SRFBP1: variants seen among roughly 807,000 people sequenced by gnomAD.
The protein encoded by SRFBP1 is serum response factor-binding protein 1.
A neutral mutation model predicts 45.5 loss-of-function variants in SRFBP1; 47 were observed. That is an observed-to-expected ratio of 1.03 (90% CI 0.82 to 1.32). The LOEUF is 1.32. Ranked by LOEUF, SRFBP1 falls within the 40% of genes most tolerant of loss-of-function variation. The pLI is 0.00. For synonymous variants in SRFBP1, 203 were observed against 166.3 expected, an observed-to-expected ratio of 1.22 and a Z score of -1.70; for missense variants, 621 against 484.6, an observed-to-expected ratio of 1.28 and a Z score of -2.64.
At chr5:122,039,814 A>G (rs1292616251) in intron 2 of SRFBP1, among the ~76,000 whole-genome samples, 2 of 152,054 alleles carry the variant, frequency 1.3e-5, no homozygotes, top group Admixed American at 6.5e-5. Flanking sequence ...CCTTACACAT[A>G]TATGATATAT....
Position 122,027,801 on chromosome 5 carries a change from A to G in SRFBP1, c.*675A>G, listed in dbSNP as rs1327800824. On this transcript the variant is annotated 3_prime_UTR_variant, in exon 8 of 8. Transcript: ENST00000339397. ...ATCATGTACTTTTTGATTCTAAAATAGTTGTCTAGGACAATTTTGGGATTC... is the reference window on the plus strand; with the variant it reads ...ATCATGTACTTTTTGATTCTAAAATGGTTGTCTAGGACAATTTTGGGATTC... 1 of 152,178 alleles carries G rather than the reference A, an allele frequency of 6.6e-6. No homozygotes were observed. Among genetic ancestry groups the G allele is most frequent in the Non-Finnish European group, 1.5e-5 (1 of 68,018 alleles). 9.4% of individuals were successfully genotyped at this position (152,178 alleles called of 1,614,324 possible). A position where few individuals can be genotyped will look rare whatever the true frequency, so the allele number is the denominator to read the frequency against.
At chr5:121,988,978 A>G (rs894501101) in intron 3 of SRFBP1, among the ~76,000 whole-genome samples, 1 of 152,182 alleles carries the variant, frequency 6.6e-6, no homozygotes, top group African/African-American at 2.4e-5. Context: ...TATTTAGAGT[A>G]TTTGCAGTTA....
chr5:122,036,178 AT>A (rs1387786941), intron 2 of SRFBP1, among the ~76,000 whole-genome samples: 1 of 152,028 alleles, frequency 6.6e-6, no homozygotes, highest in Non-Finnish European at 1.5e-5. Flanking sequence ...TGATAAGAGC[AT>A]TTTTGTATGC....
chr5:122,078,240 C>G, downstream of SRFBP1: 1 of 404,864 alleles, frequency 2.5e-6, no homozygotes, highest in Non-Finnish European at 4.3e-6. Flanking sequence ...CGCGGCAGTC[C>G]CGGAGAGCGG....
intron 2 of SRFBP1, chr5:122,066,218 C>G (rs1439181912): frequency 6.6e-6 from 1 of 152,190 alleles, no homozygotes; most frequent in East Asian, 1.9e-4. Flanking sequence ...AGTAATATTT[C>G]TTGACACCAA....
At chr5:121,973,968 T>A (rs1022120080) in intron 1 of SRFBP1, among the ~76,000 whole-genome samples, 8 of 151,864 alleles carry the variant, frequency 5.3e-5, no homozygotes, top group Admixed American at 4.6e-4. Flanking sequence ...TGTGACTTTT[T>A]AAAAAATTAT....
downstream of SRFBP1, chr5:122,077,742 C>G: frequency 2.5e-6 from 4 of 1,568,890 alleles, no homozygotes; most frequent in Non-Finnish European, 3.4e-6. The surrounding 1 kb of genome is among the most constrained non-coding windows in gnomAD (Gnocchi z 4.9). Context: ...TGGGCGGAGG[C>G]GTTGGCTGCA....
At chr5:121,962,117 A>T in intron 1 of SRFBP1, 49 bp downstream of exon 1, 1 of 1,608,870 alleles carries the variant, frequency 6.2e-7, no homozygotes, top group Non-Finnish European at 8.5e-7. Context: ...CCTCAAAACC[A>T]GCTCTTTTGA....
intron 2 of SRFBP1, among the ~76,000 whole-genome samples, chr5:121,974,659 A>G (rs1752265886): frequency 6.6e-6 from 1 of 151,950 alleles, no homozygotes; most frequent in South Asian, 2.1e-4. Flanking sequence ...ATTTTATATC[A>G]CATTTTTTCT....
chr5:122,046,864 C>T (rs1038571597), intron 2 of SRFBP1, among the ~76,000 whole-genome samples: 6 of 152,184 alleles, frequency 3.9e-5, no homozygotes, highest in Non-Finnish European at 8.8e-5. Context: ...ACTGTCTGTT[C>T]ATTCCTTTGC....
chr5:122,033,481 C>CT (rs575972641), downstream of SRFBP1, among the ~76,000 whole-genome samples: 3,404 of 146,432 alleles, frequency 0.023, 93 homozygotes, highest in Middle Eastern at 0.066. Flanking sequence ...TGTGCTTCTG[C>CT]TTTTTTTTTT....
intron 3 of SRFBP1, among the ~76,000 whole-genome samples, chr5:121,993,103 A>G (rs1033445255): frequency 9.9e-5 from 15 of 152,140 alleles, no homozygotes; most frequent in African/African-American, 3.4e-4. Flanking sequence ...TTCTTTAAAT[A>G]TACCCAACCT....
chr5:121,982,700 A>G (rs908600780), intron 3 of SRFBP1, among the ~76,000 whole-genome samples: 1 of 151,864 alleles, frequency 6.6e-6, no homozygotes, highest in Non-Finnish European at 1.5e-5. Flanking sequence ...TAAGTTTTAA[A>G]TAAGGAACTG....
At chr5:121,992,416 T>C (rs963527782) in intron 3 of SRFBP1, among the ~76,000 whole-genome samples, 2 of 152,024 alleles carry the variant, frequency 1.3e-5, no homozygotes, top group Non-Finnish European at 2.9e-5. Context: ...TTGTTTTTTT[T>C]CTCTGCATCT....
intron 4 of SRFBP1, among the ~76,000 whole-genome samples, chr5:122,009,464 T>TA (rs1465712597): frequency 6.6e-6 from 1 of 152,242 alleles, no homozygotes; most frequent in African/African-American, 2.4e-5. Context: ...GGTATTTTCT[T>TA]ACTATGTGTT....
intron 4 of SRFBP1, among the ~76,000 whole-genome samples, chr5:122,015,771 T>C (rs1198628908): frequency 6.6e-6 from 1 of 151,404 alleles, no homozygotes; most frequent in Non-Finnish European, 1.5e-5. Context: ...TCAATTGCAG[T>C]TAGTTCGCAT....
chr5:122,061,607 A>G lies in SRFBP1; in HGVS notation n.312-13708A>G, dbSNP rs1278353712. Among the ~76,000 whole-genome samples, 3 of 152,074 alleles carry G rather than the reference A, an allele frequency of 2.0e-5. 1 individual carries two copies. The highest frequency in any genetic ancestry group is 4.1e-4 in the South Asian group (2 of 4,838). On this transcript the variant is annotated intron_variant and non_coding_transcript_variant, in intron 2 of 2. Coordinates refer to the SRFBP1 transcript ENST00000504881. ...AATTATGCATAACATAATTTTAAGT[A>G]TACAAAATGAATGAACCATGAAGAA...
chr5:122,039,226 G>A (rs1296224937), intron 2 of SRFBP1, among the ~76,000 whole-genome samples: 3 of 152,136 alleles, frequency 2.0e-5, no homozygotes, highest in Non-Finnish European at 4.4e-5. Flanking sequence ...CCTGGTGGCA[G>A]GGGAGAAATT....
intron 3 of SRFBP1, among the ~76,000 whole-genome samples, chr5:121,989,807 G>C (rs1022556773): frequency 6.6e-6 from 1 of 152,154 alleles, no homozygotes. Context: ...AAGTAAAACA[G>C]AGTAATTTAG....
Sources: allele counts gnomAD v4.1 joint callset (sites outside exome capture counted in the v4.1 genomes callset), GRCh38; gene constraint gnomAD v4.1.1; non-coding constraint Gnocchi (gnomAD v3.1); transcripts MANE v1.5; gene names NCBI Gene and HGNC (gene_info 2026-07-23, HGNC 2026-07-21).